The following HMCN1 variants were observed in gnomAD, a reference collection of about 807,000 sequenced individuals.
HMCN1 encodes the protein hemicentin 1.
HMCN1 carries 321 observed loss-of-function variants against 625.9 expected under a neutral mutation model. The observed-to-expected ratio is 0.51, with a 90% CI of 0.47 to 0.56. HMCN1 has a LOEUF of 0.56. Ranked by LOEUF, HMCN1 falls within the 20% of genes least tolerant of loss-of-function variation. The probability of loss-of-function intolerance (pLI) is 0.00; values close to 1 mark genes in which losing one functional copy is unlikely to be tolerated. For missense variants in HMCN1, 6,588 were observed against 6,887.3 expected, an observed-to-expected ratio of 0.96 and a Z score of 1.54; for synonymous variants, 2,425 against 2,417.6, an observed-to-expected ratio of 1.00 and a Z score of -0.09.
chr1:186,085,378 C>T (rs1483692984), intron 57 of HMCN1, among the ~76,000 whole-genome samples: 1 of 152,104 alleles, frequency 6.6e-6, no homozygotes, highest in Non-Finnish European at 1.5e-5. Flanking sequence ...TTTGCAGGCA[C>T]CTGCTTTGTC....
rs751996725 is a variant in HMCN1, at chr1:185,865,750, G to A, written c.508G>A (p.Val170Ile). The A allele has an allele frequency of 1.4e-5, 23 of 1,586,732 alleles. No individual in the cohort carries two copies. In the East Asian group the frequency reaches 4.3e-4, roughly 30 times the overall value. The change falls in exon 4 of 107, where the codon GTT becomes ATT. Residue 170 changes from valine (V) to isoleucine (I), a missense_variant. Physicochemically the swap from Val to Ile is conservative, Grantham distance 29. Transcript: ENST00000271588. ...IQQKQSQVVF[V>I]LTGDCDDRTH... ...TTTTTTTTAATCATAGGTCGTATTT[G>A]TTCTGACTGGAGATTGTGATGACAG... is the stretch of plus-strand genomic sequence containing the variant.
chr1:185,878,250 A>T (rs573126835), intron 4 of HMCN1, among the ~76,000 whole-genome samples: 70 of 152,116 alleles, frequency 4.6e-4, no homozygotes, highest in Non-Finnish European at 7.8e-4. Context: ...ATCTTCACTG[A>T]TTGCTCTGGC....
intron 11 of HMCN1, among the ~76,000 whole-genome samples, chr1:185,942,542 T>G (rs913018781): frequency 8.5e-5 from 13 of 152,198 alleles, no homozygotes; most frequent in Non-Finnish European, 1.8e-4. Context: ...TTTTTTAAAA[T>G]TTTGGGAGTT....
At chr1:186,127,324 C>T (rs1204733970) in intron 82 of HMCN1, among the ~76,000 whole-genome samples, 1 of 151,914 alleles carries the variant, frequency 6.6e-6, no homozygotes, top group East Asian at 1.9e-4. Flanking sequence ...TACTGATAGG[C>T]ATCAGCATAT....
At chr1:186,178,787 AT>A (rs749068228) in intron 104 of HMCN1, 21 bp downstream of exon 104, 8 of 1,506,146 alleles carry the variant, frequency 5.3e-6, no homozygotes, top group Non-Finnish European at 7.4e-6. Context: ...GCCATATTAC[AT>A]TTCCTTTCTG....
chr1:185,758,496 C>T (rs576384340), intron 1 of HMCN1, among the ~76,000 whole-genome samples: 13 of 152,144 alleles, frequency 8.5e-5, no homozygotes, highest in Non-Finnish European at 2.9e-5. Context: ...ATTAGCTGGG[C>T]GTGGTTGCAC....
chr1:186,070,503 C>T (rs1305600433), intron 51 of HMCN1, 109 bp from the exon 52 acceptor site: 1 of 943,194 alleles, frequency 1.1e-6, no homozygotes, highest in African/African-American at 1.6e-5. Flanking sequence ...CATAGAATGC[C>T]TCTGTTATTT....
At chr1:186,132,460 T>TA in intron 86 of HMCN1, 51 bp downstream of exon 86, 2 of 1,315,562 alleles carry the variant, frequency 1.5e-6, no homozygotes, top group Non-Finnish European at 2.2e-6. Flanking sequence ...AAATATTACC[T>TA]AATAAAGAGT....
intron 35 of HMCN1, among the ~76,000 whole-genome samples, chr1:186,022,096 G>A (rs982577136): frequency 1.3e-5 from 2 of 152,058 alleles, no homozygotes; most frequent in Admixed American, 6.6e-5. Context: ...AATTTTGTGC[G>A]AGTGAATTTG....
intron 10 of HMCN1, among the ~76,000 whole-genome samples, chr1:185,929,253 G>T (rs1478635391): frequency 2.0e-5 from 3 of 151,996 alleles, no homozygotes; most frequent in Non-Finnish European, 4.4e-5. Flanking sequence ...AAGAACACAG[G>T]ACCTCAGTGG....
intron 1 of HMCN1, among the ~76,000 whole-genome samples, chr1:185,759,706 T>C (rs959214724): frequency 6.6e-6 from 1 of 151,184 alleles, no homozygotes; most frequent in African/African-American, 2.5e-5. Flanking sequence ...AGGAATTCAA[T>C]ACTTTTTTTT....
At chr1:185,737,981 C>CTGTGTTGAACTAGCAGCACA (rs1653708203) in intron 1 of HMCN1, among the ~76,000 whole-genome samples, 1 of 152,094 alleles carries the variant, frequency 6.6e-6, no homozygotes, top group Non-Finnish European at 1.5e-5. Flanking sequence ...GTAAGAAGCG[C>CTGTGTTGAACTAGCAGCACA]TGTGTTGAAC....
intron 1 of HMCN1, among the ~76,000 whole-genome samples, chr1:185,844,093 A>G (rs1053971742): frequency 5.3e-5 from 8 of 152,186 alleles, no homozygotes; most frequent in Non-Finnish European, 1.2e-4. Flanking sequence ...CAATGTGGGA[A>G]CATAGAAGCT....
chr1:185,816,707 T>A (rs949635201), intron 1 of HMCN1, among the ~76,000 whole-genome samples: 3 of 152,104 alleles, frequency 2.0e-5, no homozygotes, highest in Non-Finnish European at 4.4e-5. Flanking sequence ...TTTAAGTACA[T>A]CTTGTTTTAG....
rs1661016558 is a variant in HMCN1 at position 186,114,120 on chromosome 1, C to T, written c.11273C>T (p.Ala3758Val). 10 of 1,613,854 alleles carry T rather than the reference C, an allele frequency of 6.2e-6. No homozygotes were observed. Among genetic ancestry groups the T allele is most frequent in the Non-Finnish European group, 8.5e-6 (10 of 1,179,908 alleles). ...KDGAVLAGNH[A>V]RYSILENGFL... Reference sequence around the variant, plus strand: ...GGAGCTGTTCTAGCTGGGAATCATGCAAGGTAACCATACTGGAAAATTAAA... The same window carrying T: ...GGAGCTGTTCTAGCTGGGAATCATGTAAGGTAACCATACTGGAAAATTAAA... The change falls in exon 73 of 107, where the codon GCA becomes GTA. Residue 3758 changes from alanine (A) to valine (V), a missense_variant. Ala to Val is a moderately conservative substitution (Grantham distance 64). Coordinates refer to ENST00000271588, the MANE Select transcript of HMCN1 (RefSeq NM_031935.3).
chr1:186,046,693 G>A (rs140559575), intron 41 of HMCN1, among the ~76,000 whole-genome samples: 13 of 152,156 alleles, frequency 8.5e-5, no homozygotes, highest in East Asian at 7.8e-4. Context: ...GTGTTTTAAC[G>A]GTAGATGAGA....
chr1:185,753,123 A>G (rs1212904939), intron 1 of HMCN1, among the ~76,000 whole-genome samples: 2 of 152,126 alleles, frequency 1.3e-5, no homozygotes, highest in Non-Finnish European at 2.9e-5. Flanking sequence ...TTATATATTC[A>G]TTTATTAGCA....
intron 63 of HMCN1, among the ~76,000 whole-genome samples, chr1:186,090,054 CAT>C (rs1233771922): frequency 6.6e-6 from 1 of 151,860 alleles, no homozygotes. Context: ...GTGGGGAAAA[CAT>C]GTACAAAATT....
chr1:185,922,094 T>C (rs1667031412), intron 6 of HMCN1, among the ~76,000 whole-genome samples: 1 of 152,206 alleles, frequency 6.6e-6, no homozygotes, highest in Non-Finnish European at 1.5e-5. Flanking sequence ...CTTTTACAGA[T>C]TTATTTCCAG....
Sources: gnomAD v4.1 joint callset for allele counts (sites outside exome capture counted in the v4.1 genomes callset) on GRCh38, gnomAD v4.1.1 for gene constraint, MANE v1.5 for transcripts, NCBI Gene and HGNC (gene_info 2026-07-23, HGNC 2026-07-21) for gene names.